The following CENPA variants were observed in gnomAD, a reference collection of about 807,000 sequenced individuals.
CENPA encodes histone H3-like centromeric protein A.
In CENPA, 7 loss-of-function variants were observed where a neutral mutation model predicts 17.2. The ratio of observed to expected loss-of-function variants is 0.41; its 90% confidence interval spans 0.23 to 0.76. CENPA has a LOEUF of 0.76. Among genes scored for constraint, CENPA ranks in the 30% least tolerant of loss-of-function variants. The pLI, the probability that CENPA is intolerant of heterozygous loss-of-function variation, is 0.34. For synonymous variants in CENPA, 82 were observed against 77.4 expected (o/e 1.06, Z -0.31); for missense variants, 149 against 193.1 (o/e 0.77, Z 1.35).
At position 26,794,111 on chromosome 2, in the gene CENPA, G is replaced by C. The variant is rs1299951264; in HGVS notation, c.*347G>C. On this transcript the variant is annotated 3_prime_UTR_variant, in exon 5 of 5. Transcript: ENST00000335756. ...AAACATCAGATTTGCTGTGGTATGGGAGAAAAGGCTATGTACTTATTATTT... is the reference window on the plus strand; with the variant it reads ...AAACATCAGATTTGCTGTGGTATGGCAGAAAAGGCTATGTACTTATTATTT... 2 of 152,196 alleles carry C rather than the reference G, an allele frequency of 1.3e-5. No individual in the cohort carries two copies. Among genetic ancestry groups the C allele is most frequent in the Non-Finnish European group, 2.9e-5 (2 of 68,038 alleles). 9.4% of individuals were successfully genotyped at this position (152,196 alleles called of 1,614,324 possible).
intron 1 of CENPA, among the ~76,000 whole-genome samples, chr2:26,790,232 G>A (rs1227903674): frequency 6.6e-6 from 1 of 151,698 alleles, no homozygotes; most frequent in Non-Finnish European, 1.5e-5. Context: ...CATGGTATTG[G>A]CCTTCTTAAA....
chr2:26,791,213 T>C (rs1391060763), intron 1 of CENPA, among the ~76,000 whole-genome samples: 2 of 152,260 alleles, frequency 1.3e-5, no homozygotes, highest in African/African-American at 4.8e-5. Flanking sequence ...TCTTGTTTTC[T>C]AATAGGAACA....
At chr2:26,792,567 G>A (rs1364292718) in intron 2 of CENPA, 189 bp from the exon 3 acceptor site, 10 of 719,922 alleles carry the variant, frequency 1.4e-5, no homozygotes, top group Non-Finnish European at 2.3e-5. Context: ...CCCATCACCA[G>A]TAAGAGATCC....
intron 1 of CENPA, among the ~76,000 whole-genome samples, chr2:26,790,057 G>T (rs1204160153): frequency 6.6e-6 from 1 of 152,090 alleles, no homozygotes; most frequent in Non-Finnish European, 1.5e-5. Context: ...CTCTCTAATT[G>T]GTTACTTTTC....
chr2:26,790,755 A>T (rs1205045553), intron 1 of CENPA, among the ~76,000 whole-genome samples: 3 of 152,226 alleles, frequency 2.0e-5, no homozygotes, highest in Non-Finnish European at 4.4e-5. Flanking sequence ...AGTCTTCTGG[A>T]CACTGCCCTG....
intron 1 of CENPA, among the ~76,000 whole-genome samples, chr2:26,791,078 T>C (rs542235120): frequency 2.6e-5 from 4 of 152,224 alleles, no homozygotes; most frequent in Non-Finnish European, 5.9e-5. Context: ...ACTGTGCTGT[T>C]TTTTCTTTAA....
chr2:26,792,089 G>C (rs529917343), intron 1 of CENPA, 42 bp from the exon 2 acceptor site: 1 of 1,558,320 alleles, frequency 6.4e-7, no homozygotes, highest in East Asian at 2.2e-5. Flanking sequence ...AAGCTGCGAG[G>C]CACCACCTAT....
Position 26,793,114 on chromosome 2 carries a change from T to C in CENPA, c.289-31T>C, listed in dbSNP as rs753653385. Reference sequence around the variant, plus strand: ...AAAAAGCAGCCCGTGGCCCTTCATCTGTGTCCGTCTTTTTCTCTTTCTGTC... The same window carrying C: ...AAAAAGCAGCCCGTGGCCCTTCATCCGTGTCCGTCTTTTTCTCTTTCTGTC... On this transcript the variant is annotated intron_variant, in intron 3 of 4. Transcript: ENST00000335756. 9 of 1,612,664 alleles carry C rather than the reference T, an allele frequency of 5.6e-6. No homozygotes were observed. In the Admixed American group the frequency reaches 1.3e-4, roughly 24 times the overall value.
At chr2:26,788,539 T>G (rs1318943960) in intron 1 of CENPA, among the ~76,000 whole-genome samples, 2 of 152,136 alleles carry the variant, frequency 1.3e-5, no homozygotes, top group African/African-American at 4.8e-5. Context: ...TCAAAGCCCT[T>G]CCTTCTACAT....
Position 26,786,078 on chromosome 2 carries a change from CAT to C in CENPA, c.-118_-117del. The stretch of plus-strand genomic sequence containing the variant: ...CGCGGACTTCTGCCAAGCACCGGCT[CAT>C]GTGAGGCTCGCGGCACAGCGTTCTC... On this transcript the variant is annotated 5_prime_UTR_variant, in exon 1 of 5. An upstream start codon of the reference 5' UTR is lost. Transcript: ENST00000335756. 1 of 1,263,820 alleles carries C rather than the reference CAT, an allele frequency of 7.9e-7. No individual in the cohort carries two copies. The highest frequency in any genetic ancestry group is 1.6e-5 in the African/African-American group (1 of 64,082). The allele number at this position is 1,263,820 out of a possible 1,614,324, so 78.3% of individuals were successfully genotyped here.
rs1664675563 is a variant in CENPA at position 26,794,315 on chromosome 2, T to C, written c.*551T>C. 1 of 152,198 alleles carries C rather than the reference T, an allele frequency of 6.6e-6. No homozygotes were observed. The highest frequency in any genetic ancestry group is 6.5e-5 in the Admixed American group (1 of 15,280). 9.4% of individuals were successfully genotyped at this position (152,198 alleles called of 1,614,324 possible). Reference sequence around the variant, plus strand: ...TTAGTGGCAGCATCATGTAACTGAGTGGACTGTGCTTGTCAACGGATGTGT... The same window carrying C: ...TTAGTGGCAGCATCATGTAACTGAGCGGACTGTGCTTGTCAACGGATGTGT... On this transcript the variant is annotated 3_prime_UTR_variant, in exon 5 of 5. Coordinates refer to ENST00000335756, the MANE Select transcript of CENPA (RefSeq NM_001809.4).
At chr2:26,792,388 C>T in intron 2 of CENPA, 148 bp downstream of exon 2, 2 of 690,678 alleles carry the variant, frequency 2.9e-6, no homozygotes, top group South Asian at 3.4e-5. Flanking sequence ...AAAACATGAG[C>T]CCTCCAAGAG....
At position 26,793,253 on chromosome 2, in the gene CENPA, CGG is replaced by C; in HGVS notation, c.400_401del (p.Gly134ProfsTer2). The C allele has an allele frequency of 6.2e-7, 1 of 1,614,090 alleles. No individual in the cohort carries two copies. Among genetic ancestry groups the C allele is most frequent in the Non-Finnish European group, 8.5e-7 (1 of 1,180,020 alleles). ...GGATGTGCAACTGGCCCGGAGGATC[CGG>C]GGCCTTGAGGAGGGACTCGGCTGAG... is the stretch of plus-strand genomic sequence containing the variant. ...PKDVQLARRI[R>X]GLEEGLG On this transcript the variant is annotated frameshift_variant, in exon 4 of 5. Coordinates refer to ENST00000335756, the MANE Select transcript of CENPA (RefSeq NM_001809.4). LOFTEE classifies it high-confidence loss of function.
At chr2:26,790,055 T>C (rs1259167282) in intron 1 of CENPA, among the ~76,000 whole-genome samples, 1 of 152,248 alleles carries the variant, frequency 6.6e-6, no homozygotes, top group African/African-American at 2.4e-5. Flanking sequence ...ATCTCTCTAA[T>C]TGGTTACTTT....
chr2:26,788,169 G>A (rs1340879978), intron 1 of CENPA, among the ~76,000 whole-genome samples: 3 of 150,304 alleles, frequency 2.0e-5, no homozygotes, highest in African/African-American at 5.0e-5. Context: ...TTCAATTTTC[G>A]AGACAGAGTC....
In CENPA at chr2:26,792,215, T is replaced by C; in HGVS notation, c.185T>C (p.Ile62Thr). Residue 62 changes from isoleucine (I) to threonine (T), a missense_variant, in exon 2 of 5, where the codon ATA becomes ACA. Physicochemically the swap from Ile to Thr is moderately conservative, Grantham distance 89. Transcript: ENST00000335756. ...RKLQKSTHLLIRKLPFSRLAR... is the reference protein window; with the variant it reads ...RKLQKSTHLLTRKLPFSRLAR... ...CTTCAGAAGAGCACACACCTCTTGATAAGGAAGCTGCCCTTCAGCCGCCTG... is the reference window on the plus strand; with the variant it reads ...CTTCAGAAGAGCACACACCTCTTGACAAGGAAGCTGCCCTTCAGCCGCCTG... 6.2e-7 allele frequency: 1 copy of C among 1,613,752 alleles called. No homozygotes were observed. Among genetic ancestry groups the C allele is most frequent in the South Asian group, 1.1e-5 (1 of 90,956 alleles).
chr2:26,790,771 T>C (rs574033433), intron 1 of CENPA, among the ~76,000 whole-genome samples: 1 of 152,276 alleles, frequency 6.6e-6, no homozygotes, highest in African/African-American at 2.4e-5. Flanking sequence ...CCCTGTTTCA[T>C]TGGCCTGTGT....
chr2:26,787,514 C>CCTATGTCTGTTTATTAAA (rs1664532817), intron 1 of CENPA, among the ~76,000 whole-genome samples: 1 of 151,264 alleles, frequency 6.6e-6, no homozygotes, highest in Non-Finnish European at 1.5e-5. Context: ...CGCGCCCGGC[C>CCTATGTCTGTTTATTAAA]GGCTTTTTGG....
chr2:26,790,039 T>C (rs1664586768), intron 1 of CENPA, among the ~76,000 whole-genome samples: 1 of 152,240 alleles, frequency 6.6e-6, no homozygotes, highest in Admixed American at 6.5e-5. Context: ...CCAGTTCTTT[T>C]CCATGATCTC....
Sources: gnomAD v4.1 joint callset for allele counts (sites outside exome capture counted in the v4.1 genomes callset) on GRCh38, gnomAD v4.1.1 for gene constraint, MANE v1.5 for transcripts, NCBI Gene and HGNC (gene_info 2026-07-23, HGNC 2026-07-21) for gene names.